The following CTNND2 variants were observed in gnomAD, a reference collection of about 807,000 sequenced individuals.
CTNND2 encodes the protein catenin delta-2.
CTNND2 carries 22 observed loss-of-function variants against 144.4 expected under a neutral mutation model. The ratio of observed to expected loss-of-function variants is 0.15; its 90% CI spans 0.11 to 0.22. CTNND2 has a LOEUF of 0.22. Ranked by LOEUF, CTNND2 falls within the 10% of genes least tolerant of loss-of-function variation. The probability of loss-of-function intolerance (pLI) is 1.00; values close to 1 mark genes in which losing one functional copy is unlikely to be tolerated. For missense variants in CTNND2, 1,353 were observed against 1,618.8 expected (o/e 0.84, Z 2.82); for synonymous variants, 751 against 695.6 (o/e 1.08, Z -1.25).
intron 16 of CTNND2, among the ~76,000 whole-genome samples, chr5:11,028,611 G>A (rs1176832662): frequency 6.6e-6 from 1 of 152,048 alleles, no homozygotes; most frequent in African/African-American, 2.4e-5. Flanking sequence ...TCATATAAAT[G>A]GCATCATAAA....
At chr5:11,003,987 T>C (rs1291980190) in intron 18 of CTNND2, among the ~76,000 whole-genome samples, 1 of 152,196 alleles carries the variant, frequency 6.6e-6, no homozygotes, top group Non-Finnish European at 1.5e-5. Flanking sequence ...AGGAATTCAA[T>C]TTACTGCTAC....
intron 3 of CTNND2, among the ~76,000 whole-genome samples, chr5:11,450,373 A>G (rs1423649954): frequency 2.6e-5 from 4 of 152,208 alleles, no homozygotes; most frequent in Non-Finnish European, 5.9e-5. Flanking sequence ...TCGTGCCTTC[A>G]GTGAGGGTGC....
At chr5:11,171,258 T>C (rs757868818) in intron 11 of CTNND2, among the ~76,000 whole-genome samples, 1 of 152,154 alleles carries the variant, frequency 6.6e-6, no homozygotes, top group South Asian at 2.1e-4. Flanking sequence ...AAGGCTAAAG[T>C]GGTTACAGAA....
intron 11 of CTNND2, among the ~76,000 whole-genome samples, chr5:11,197,633 C>T (rs1050431872): frequency 2.0e-5 from 3 of 152,112 alleles, no homozygotes; most frequent in Non-Finnish European, 4.4e-5. Context: ...CCCAGGCACA[C>T]GTGAACGGCC....
intron 16 of CTNND2, among the ~76,000 whole-genome samples, chr5:11,048,822 G>A (rs571386934): frequency 6.6e-6 from 1 of 152,194 alleles, no homozygotes; most frequent in Non-Finnish European, 1.5e-5. Flanking sequence ...CAGGTTTCCA[G>A]GTCTCCTTGA....
intron 3 of CTNND2, among the ~76,000 whole-genome samples, chr5:11,553,334 G>C (rs958485264): frequency 6.6e-6 from 1 of 152,114 alleles, no homozygotes; most frequent in African/African-American, 2.4e-5. Context: ...GACAAACATG[G>C]TACTACTCTG....
intron 1 of CTNND2, among the ~76,000 whole-genome samples, chr5:11,807,711 T>C (rs767925461): frequency 6.6e-6 from 1 of 152,194 alleles, no homozygotes; most frequent in African/African-American, 2.4e-5. Context: ...TCTCAGAAGT[T>C]CACCATCGCC....
chr5:11,539,799 C>T (rs549841640), intron 3 of CTNND2, among the ~76,000 whole-genome samples: 8 of 152,220 alleles, frequency 5.3e-5, no homozygotes, highest in African/African-American at 1.9e-4. Flanking sequence ...TTTGGGAGGC[C>T]GAGGCAGGTG....
intron 1 of CTNND2, among the ~76,000 whole-genome samples, chr5:11,775,550 T>C (rs1790205950): frequency 6.6e-6 from 1 of 152,214 alleles, no homozygotes; most frequent in Non-Finnish European, 1.5e-5. Flanking sequence ...CTTGGAGTAT[T>C]TACAGCTTTT....
chr5:11,145,137 T>A (rs1049006934), intron 12 of CTNND2, among the ~76,000 whole-genome samples: 2 of 152,096 alleles, frequency 1.3e-5, no homozygotes, highest in African/African-American at 4.8e-5. Context: ...ATTTTTATAA[T>A]AAAATATATA....
chr5:11,293,280 T>G (rs1333485166), intron 9 of CTNND2, among the ~76,000 whole-genome samples: 1 of 152,176 alleles, frequency 6.6e-6, no homozygotes, highest in Non-Finnish European at 1.5e-5. Flanking sequence ...GTTATACAGG[T>G]GACCCTCATA....
chr5:11,713,785 C>T (rs1786178079), intron 2 of CTNND2, among the ~76,000 whole-genome samples: 1 of 151,978 alleles, frequency 6.6e-6, no homozygotes, highest in African/African-American at 2.4e-5. Flanking sequence ...TCTTAGGGTA[C>T]AAATTGCAAT....
At chr5:11,049,747 G>T (rs1382418565) in intron 16 of CTNND2, among the ~76,000 whole-genome samples, 1 of 152,130 alleles carries the variant, frequency 6.6e-6, no homozygotes, top group Non-Finnish European at 1.5e-5. Context: ...AAATAACTGG[G>T]TTTCATACCA....
chr5:11,594,186 G>A (rs759236663), intron 2 of CTNND2, among the ~76,000 whole-genome samples: 9 of 152,162 alleles, frequency 5.9e-5, no homozygotes, highest in Non-Finnish European at 1.0e-4. Flanking sequence ...TATAGTACAC[G>A]TACACAGTGA....
chr5:10,999,603 T>C (rs1161400086), intron 18 of CTNND2, among the ~76,000 whole-genome samples: 2 of 152,216 alleles, frequency 1.3e-5, no homozygotes, highest in Middle Eastern at 3.2e-3. Flanking sequence ...CCACAAGTTG[T>C]GCCCTTCAGC....
chr5:11,781,493 T>C (rs887052222), intron 1 of CTNND2, among the ~76,000 whole-genome samples: 10 of 152,168 alleles, frequency 6.6e-5, no homozygotes, highest in Non-Finnish European at 1.5e-4. Flanking sequence ...ACTTTTGCTT[T>C]TTATTGCCCT....
intron 9 of CTNND2, among the ~76,000 whole-genome samples, chr5:11,269,244 C>T (rs890976896): frequency 5.3e-5 from 8 of 152,342 alleles, no homozygotes; most frequent in Non-Finnish European, 1.0e-4. Flanking sequence ...TTGAACAGCG[C>T]TTACCCCAAG....
At chr5:11,026,936 A>G (rs931846485) in intron 16 of CTNND2, among the ~76,000 whole-genome samples, 3 of 152,152 alleles carry the variant, frequency 2.0e-5, no homozygotes, top group Non-Finnish European at 4.4e-5. Context: ...GGTAGTAAAA[A>G]CCAAGTGAAT....
intron 3 of CTNND2, among the ~76,000 whole-genome samples, chr5:11,480,798 G>A (rs1768180233): frequency 6.6e-6 from 1 of 152,052 alleles, no homozygotes; most frequent in Admixed American, 6.6e-5. Context: ...GATGTCAGGT[G>A]AGCTGCACAT....
Sources: gnomAD v4.1 joint callset for allele counts (sites outside exome capture counted in the v4.1 genomes callset) on GRCh38, gnomAD v4.1.1 for gene constraint, MANE v1.5 for transcripts, NCBI Gene and HGNC (gene_info 2026-07-23, HGNC 2026-07-21) for gene names.